Variants in SPAM1 observed in about 807,000 individuals in gnomAD.
The protein encoded by SPAM1 is hyaluronidase PH-20.
SPAM1 carries 22 observed loss-of-function variants against 29.6 expected under a neutral mutation model. The observed-to-expected ratio is 0.74, with a 90% CI of 0.53 to 1.06. The LOEUF (loss-of-function observed/expected upper bound fraction) is 1.06, where lower values mean the gene tolerates loss of function less well. Ranked by LOEUF, SPAM1 falls within the 50% of genes least tolerant of loss-of-function variation. The probability of loss-of-function intolerance (pLI) is 0.00; values close to 1 mark genes in which losing one functional copy is unlikely to be tolerated. For missense variants in SPAM1, 534 were observed against 604.0 expected, an observed-to-expected ratio of 0.88 and a Z score of 1.21; for synonymous variants, 194 against 204.6, an observed-to-expected ratio of 0.95 and a Z score of 0.44.
intron 4 of SPAM1, among the ~76,000 whole-genome samples, chr7:123,957,288 A>G (rs976366193): frequency 2.0e-5 from 3 of 152,020 alleles, no homozygotes; most frequent in Non-Finnish European, 4.4e-5. Flanking sequence ...TAAAGCTGCC[A>G]TCAGAATGAC....
At chr7:123,969,214 AAT>A (rs1163591064) in intron 5 of SPAM1, among the ~76,000 whole-genome samples, 1 of 152,042 alleles carries the variant, frequency 6.6e-6, no homozygotes, top group African/African-American at 2.4e-5. Flanking sequence ...ACTGTTTACA[AAT>A]ATTTTCTCTC....
chr7:123,951,425 A>C (rs755657393), intron 2 of SPAM1, among the ~76,000 whole-genome samples: 5 of 152,112 alleles, frequency 3.3e-5, no homozygotes, highest in Non-Finnish European at 5.9e-5. Context: ...AGAAGACGTT[A>C]TTCTTGATGC....
rs951180606 is a variant in SPAM1 at position 123,933,059 on chromosome 7, T to A, written c.-319+7707T>A. Among the ~76,000 whole-genome samples, 57 of 152,144 alleles carry A rather than the reference T, an allele frequency of 3.7e-4. 1 individual carries two copies. The highest frequency in any genetic ancestry group is 1.2e-3 in the African/African-American group (48 of 41,542). On this transcript the variant is annotated intron_variant, in intron 1 of 4. Coordinates refer to ENST00000682466, the MANE Select transcript of SPAM1 (RefSeq NM_153189.3). ...TAAAATATTATTTATTTTATTTTTTTTTTTTTAAATTTACTTTAAGTTCCA... is the reference window on the plus strand; with the variant it reads ...TAAAATATTATTTATTTTATTTTTTATTTTTTAAATTTACTTTAAGTTCCA...
chr7:123,954,188 G>T lies in SPAM1; in HGVS notation c.618G>T (p.Leu206Phe). ...GKDFLVETIK[L>F]GKLLRPNHLW... ...ATTTCCTGGTAGAGACTATAAAATT[G>T]GGAAAATTACTTCGGCCAAATCACT... The change falls in exon 3 of 5, where the codon TTG (leucine) becomes TTT (phenylalanine). Residue 206 changes from leucine (L) to phenylalanine (F), a missense_variant. Leu to Phe is a conservative substitution (Grantham distance 22). Transcript: ENST00000682466. The T allele has an allele frequency of 6.2e-7, 1 of 1,613,526 alleles. No individual in the cohort carries two copies.
chr7:123,938,852 C>T (rs764860190), intron 1 of SPAM1, among the ~76,000 whole-genome samples: 8 of 152,138 alleles, frequency 5.3e-5, no homozygotes, highest in Non-Finnish European at 1.2e-4. Flanking sequence ...TCTTCTTAAA[C>T]TTCAGCCTAA....
chr7:123,939,816 C>T (rs1045276902), intron 1 of SPAM1, among the ~76,000 whole-genome samples: 1 of 152,268 alleles, frequency 6.6e-6, no homozygotes, highest in African/African-American at 2.4e-5. Context: ...CTTGGGGGTT[C>T]CTCATCCTCC....
In SPAM1 at chr7:123,953,480, C is replaced by G. The variant is rs1792163013; in HGVS notation, c.-91C>G. On this transcript the variant is annotated 5_prime_UTR_variant, in exon 3 of 5. Coordinates refer to ENST00000682466, the MANE Select transcript of SPAM1 (RefSeq NM_153189.3). ...CATCAAAGTGAATTCATTCCATTCC[C>G]TTTCATCTGTGCTCATACTTTGCAT... 3.0e-6 allele frequency: 2 copies of G among 671,074 alleles called. No homozygotes were observed. The highest frequency in any genetic ancestry group is 5.0e-6 in the Non-Finnish European group (2 of 401,410). 41.6% of individuals were successfully genotyped at this position (671,074 alleles called of 1,614,324 possible). A position where few individuals can be genotyped will look rare whatever the true frequency, so the allele number is the denominator to read the frequency against.
At chr7:123,963,535 T>C (rs1252904013), downstream of SPAM1, among the ~76,000 whole-genome samples, 2 of 151,884 alleles carry the variant, frequency 1.3e-5, no homozygotes, top group African/African-American at 4.8e-5. Context: ...GTGGCATTTG[T>C]CTATGATAAT....
At chr7:123,957,452 G>A (rs1175357356) in intron 4 of SPAM1, among the ~76,000 whole-genome samples, 1 of 151,848 alleles carries the variant, frequency 6.6e-6, no homozygotes, top group Non-Finnish European at 1.5e-5. Flanking sequence ...AGGAAGCAAG[G>A]GTTATACAAT....
At chr7:123,942,681 G>A (rs1396024762) in intron 1 of SPAM1, among the ~76,000 whole-genome samples, 4 of 152,118 alleles carry the variant, frequency 2.6e-5, no homozygotes, top group Non-Finnish European at 5.9e-5. Flanking sequence ...AGGTCCCAAG[G>A]AACCTTGGGG....
At chr7:123,933,066 A>T (rs942498798) in intron 1 of SPAM1, among the ~76,000 whole-genome samples, 72 of 150,140 alleles carry the variant, frequency 4.8e-4, no homozygotes, top group East Asian at 5.8e-4. Flanking sequence ...TTTTTTTTTT[A>T]AATTTACTTT....
chr7:123,945,374 C>T (rs900772570), intron 1 of SPAM1, among the ~76,000 whole-genome samples: 1 of 152,038 alleles, frequency 6.6e-6, no homozygotes, highest in Non-Finnish European at 1.5e-5. Context: ...TAAACAACAG[C>T]TTCCTAGGAG....
In SPAM1 at chr7:123,959,595, G is replaced by A. The variant is rs139358184; in HGVS notation, c.1156G>A (p.Val386Met). ...CSQVLCQEQG[V>M]CIRKNWNSSD... ...CCAAGTGCTTTGCCAGGAGCAAGGAGTGTGTATAAGGAAAAACTGGAATTC... is the reference window on the plus strand; with the variant it reads ...CCAAGTGCTTTGCCAGGAGCAAGGAATGTGTATAAGGAAAAACTGGAATTC... The change falls in exon 5 of 5, where the codon GTG (valine) becomes ATG (methionine). Residue 386 changes from valine to methionine, a missense_variant. Physicochemically the swap from Val to Met is conservative, Grantham distance 21 (BLOSUM62 1). Coordinates refer to ENST00000682466, the MANE Select transcript of SPAM1 (RefSeq NM_153189.3). 5.6e-6 allele frequency: 9 copies of A among 1,613,202 alleles called. No homozygotes were observed. The highest frequency in any genetic ancestry group is 1.7e-5 in the Admixed American group (1 of 59,856).
chr7:123,954,381 C>G lies in SPAM1; in HGVS notation c.811C>G (p.Pro271Ala). 1 of 1,613,536 alleles carries G rather than the reference C, an allele frequency of 6.2e-7. No homozygotes were observed. The highest frequency in any genetic ancestry group is 8.5e-7 in the Non-Finnish European group (1 of 1,179,668). ...CATTTATTTGAACACTCAGCAGTCT[C>G]CTGTAGCTGCTACACTCTATGTGCG... The part of the protein sequence containing the change: ...PSIYLNTQQS[P>A]VAATLYVRNR... The change falls in exon 3 of 5, where the codon CCT becomes GCT. Residue 271 changes from proline to alanine, a missense_variant. Physicochemically the swap from Pro to Ala is conservative, Grantham distance 27. Coordinates refer to ENST00000682466, the MANE Select transcript of SPAM1 (RefSeq NM_153189.3).
chr7:123,954,857 G>T, intron 3 of SPAM1, 140 bp from the exon 4 acceptor site: 2 of 626,578 alleles, frequency 3.2e-6, no homozygotes, highest in East Asian at 2.8e-5. Context: ...TAAGGCAATG[G>T]CTGTGTAAGA....
rs1479975440 is a variant in SPAM1 at position 123,954,120 on chromosome 7, G to C, written c.550G>C (p.Ala184Pro). The change falls in exon 3 of 5, where the codon GCC (alanine) becomes CCC (proline). Residue 184 changes from alanine to proline, a missense_variant. Coordinates refer to ENST00000682466, the MANE Select transcript of SPAM1 (RefSeq NM_153189.3). ...AAATGTACAACTTAGTCTCACAGAG[G>C]CCACTGAGAAAGCAAAACAAGAATT... The part of the protein sequence containing the change: ...QQNVQLSLTE[A>P]TEKAKQEFEK... The C allele has an allele frequency of 6.2e-7, 1 of 1,612,912 alleles. No homozygotes were observed. Among genetic ancestry groups the C allele is most frequent in the South Asian group, 1.1e-5 (1 of 90,986 alleles).
intron 5 of SPAM1, among the ~76,000 whole-genome samples, chr7:123,968,599 T>A (rs897931314): frequency 6.6e-6 from 1 of 150,422 alleles, no homozygotes; most frequent in Admixed American, 6.7e-5. Context: ...ATCTTGACAA[T>A]TTTTTTTTTC....
intron 1 of SPAM1, among the ~76,000 whole-genome samples, chr7:123,933,717 A>G (rs1234010067): frequency 6.6e-6 from 1 of 152,222 alleles, no homozygotes. Context: ...GAACTCAAAC[A>G]ACTCATCAAT....
intron 1 of SPAM1, chr7:123,947,618 AC>A (rs1808625407): frequency 6.6e-6 from 1 of 150,640 alleles, no homozygotes; most frequent in Admixed American, 6.6e-5. Context: ...ACACACACAC[AC>A]AGACAGGTTC....
Sources: gnomAD v4.1 joint callset for allele counts (sites outside exome capture counted in the v4.1 genomes callset) on GRCh38, gnomAD v4.1.1 for gene constraint, MANE v1.5 for transcripts, NCBI Gene and HGNC (gene_info 2026-07-23, HGNC 2026-07-21) for gene names.